The following CNTLN variants were observed in gnomAD, a reference collection of about 807,000 sequenced individuals.
The protein encoded by CNTLN is centlein, centrosomal protein.
Under a neutral mutation model 180.0 loss-of-function variants are expected in CNTLN, and 212 were observed. The observed-to-expected ratio is 1.18, with a 90% CI of 1.05 to 1.32. The LOEUF is 1.32. Among genes scored for constraint, CNTLN ranks in the 40% most tolerant of loss-of-function variants. CNTLN has a pLI of 0.00. For missense variants in CNTLN, 2,095 were observed against 1,610.9 expected (o/e 1.30, Z -5.14); for synonymous variants, 722 against 563.1 (o/e 1.28, Z -3.99).
intron 15 of CNTLN, among the ~76,000 whole-genome samples, chr9:17,398,491 A>G (rs538221669): frequency 6.6e-6 from 1 of 152,178 alleles, no homozygotes; most frequent in Admixed American, 6.5e-5. Context: ...TCTTCATGCT[A>G]TCATAAGTTG....
chr9:17,222,774 C>G (rs563003210), intron 2 of CNTLN, among the ~76,000 whole-genome samples: 1 of 152,122 alleles, frequency 6.6e-6, no homozygotes, highest in East Asian at 1.9e-4. Context: ...CTTGATCATT[C>G]CTTTCTACTA....
intron 5 of CNTLN, among the ~76,000 whole-genome samples, chr9:17,268,384 C>T (rs900004476): frequency 9.9e-5 from 15 of 152,268 alleles, no homozygotes; most frequent in South Asian, 2.1e-4. Context: ...GCTGCCTGAT[C>T]GTTCCTCTGG....
chr9:17,176,118 G>C (rs896492768), intron 2 of CNTLN, among the ~76,000 whole-genome samples: 1 of 151,528 alleles, frequency 6.6e-6, no homozygotes, highest in Non-Finnish European at 1.5e-5. Context: ...TTATTGTGTT[G>C]GCTATATTTT....
At chr9:17,210,829 G>A (rs1209730636) in intron 2 of CNTLN, among the ~76,000 whole-genome samples, 1 of 152,156 alleles carries the variant, frequency 6.6e-6, no homozygotes, top group Non-Finnish European at 1.5e-5. Context: ...TTTTTCATGT[G>A]TCTGTTGGCT....
chr9:17,169,466 A>C (rs1160605152), intron 2 of CNTLN, among the ~76,000 whole-genome samples: 1 of 152,202 alleles, frequency 6.6e-6, no homozygotes, highest in Non-Finnish European at 1.5e-5. Context: ...TGGAGATTAT[A>C]AAATCTTTGA....
chr9:17,231,285 C>T (rs1332184616), intron 3 of CNTLN, among the ~76,000 whole-genome samples: 4 of 151,976 alleles, frequency 2.6e-5, no homozygotes, highest in Admixed American at 2.0e-4. Flanking sequence ...ATGACAAATC[C>T]TTCAGCTTAT....
chr9:17,341,018 C>G, intron 11 of CNTLN, 70 bp downstream of exon 11: 1 of 1,339,854 alleles, frequency 7.5e-7, no homozygotes, highest in Non-Finnish European at 9.8e-7. Context: ...ATATAGGTGT[C>G]TTAATGGCTT....
intron 18 of CNTLN, among the ~76,000 whole-genome samples, chr9:17,424,205 C>G (rs773511484): frequency 6.6e-6 from 1 of 151,926 alleles, no homozygotes; most frequent in African/African-American, 2.4e-5. Context: ...ATTTTTTCTC[C>G]TTACATATTA....
intron 2 of CNTLN, among the ~76,000 whole-genome samples, chr9:17,174,626 G>A (rs972272610): frequency 6.6e-6 from 1 of 152,004 alleles, no homozygotes. Context: ...AACCCGGGAG[G>A]CGGAGGTTGC....
rs1828212049 is a variant in CNTLN at position 17,416,031 on chromosome 9, G to C, written c.2956G>C (p.Glu986Gln). 1.9e-6 allele frequency: 3 copies of C among 1,613,340 alleles called. No homozygotes were observed. The East Asian group carries it at 6.7e-5, about 36-fold the overall frequency. The change falls in exon 18 of 26, where the codon GAA becomes CAA. Residue 986 changes from glutamate to glutamine, a missense_variant. By Grantham distance (29) the Glu-to-Gln change is conservative. Coordinates refer to ENST00000380647, the MANE Select transcript of CNTLN (RefSeq NM_017738.4). ...KSSSNIILLRERIISLQQQNS... is the reference protein window; with the variant it reads ...KSSSNIILLRQRIISLQQQNS... ...AAGTAGCAATATTATTTTATTACGA[G>C]AACGGATTATATCCTTGCAACAACA...
At chr9:17,469,297 G>A (rs576618538) in intron 23 of CNTLN, among the ~76,000 whole-genome samples, 2 of 151,766 alleles carry the variant, frequency 1.3e-5, no homozygotes, top group Admixed American at 1.3e-4. Context: ...GACTTCCAAT[G>A]GCAATTTGAC....
At chr9:17,213,246 G>T (rs952228429) in intron 2 of CNTLN, among the ~76,000 whole-genome samples, 1 of 152,134 alleles carries the variant, frequency 6.6e-6, no homozygotes, top group Non-Finnish European at 1.5e-5. Flanking sequence ...AGAGATTCTG[G>T]TATGTTGTGT....
chr9:17,469,877 T>G (rs1438779189), intron 23 of CNTLN, among the ~76,000 whole-genome samples: 1 of 151,938 alleles, frequency 6.6e-6, no homozygotes, highest in Non-Finnish European at 1.5e-5. Flanking sequence ...GACTGATTCC[T>G]TGTGCCTCAG....
intron 15 of CNTLN, among the ~76,000 whole-genome samples, chr9:17,396,210 G>A (rs78578497): frequency 7.2e-5 from 11 of 152,098 alleles, no homozygotes; most frequent in East Asian, 1.9e-4. Flanking sequence ...ACCCCTCAGG[G>A]CTACTCTGTC....
intron 3 of CNTLN, among the ~76,000 whole-genome samples, chr9:17,235,099 C>T (rs1179251349): frequency 6.6e-6 from 1 of 152,072 alleles, no homozygotes; most frequent in Non-Finnish European, 1.5e-5. Context: ...GGTACATCCA[C>T]CTCGTAGGTG....
rs775078335 is a variant in CNTLN, at chr9:17,454,022, TG to T, written c.3115-3499del. Among the ~76,000 whole-genome samples the T allele has an allele frequency of 4.7e-4, 72 of 152,268 alleles. 1 individual carries two copies. Among genetic ancestry groups the T allele is most frequent in the Admixed American group, 1.8e-3 (28 of 15,286 alleles). The stretch of plus-strand genomic sequence containing the variant: ...CTTTGCATATAACGTAATGTAATCA[TG>T]GGAATGATAGCATATCGTATTTCTG... On this transcript the variant is annotated intron_variant, in intron 18 of 25. Transcript: ENST00000380647.
chr9:17,313,708 G>C (rs998333748), intron 8 of CNTLN, among the ~76,000 whole-genome samples: 12 of 152,044 alleles, frequency 7.9e-5, no homozygotes, highest in African/African-American at 2.9e-4. Context: ...AAATATTTTT[G>C]TTTCCTGTTC....
At chr9:17,174,157 G>T (rs950838448) in intron 2 of CNTLN, among the ~76,000 whole-genome samples, 16 of 152,084 alleles carry the variant, frequency 1.1e-4, no homozygotes, top group Admixed American at 3.3e-4. Flanking sequence ...TCAAATTTTT[G>T]TATATATCAG....
the CNTLN span, among the ~76,000 whole-genome samples, chr9:17,511,646 T>TCACACA: frequency 2.7e-4 from 17 of 62,048 alleles, no homozygotes; most frequent in East Asian, 1.7e-3. Context: ...TCTCTCTCTC[T>TCACACA]CTCACACACA....
Sources: allele counts gnomAD v4.1 joint callset (sites outside exome capture counted in the v4.1 genomes callset), GRCh38; gene constraint gnomAD v4.1.1; transcripts MANE v1.5; gene names NCBI Gene and HGNC (gene_info 2026-07-23, HGNC 2026-07-21).